The following SGTB variants were observed in gnomAD, a reference collection of about 807,000 sequenced individuals.
SGTB encodes the protein small glutamine-rich tetratricopeptide repeat-containing protein beta.
SGTB carries 19 observed loss-of-function variants against 43.9 expected under a neutral mutation model. The observed-to-expected ratio is 0.43, with a 90% CI of 0.30 to 0.63. SGTB has a LOEUF of 0.63. SGTB is among the 30% of genes least tolerant of loss of function. SGTB has a pLI of 0.12. For synonymous variants in SGTB, 116 were observed against 117.3 expected (o/e 0.99, Z 0.07); for missense variants, 304 against 358.9 (o/e 0.85, Z 1.24).
intron 2 of SGTB, among the ~76,000 whole-genome samples, chr5:65,714,650 G>A (rs537730940): frequency 2.0e-5 from 3 of 152,104 alleles, no homozygotes; most frequent in African/African-American, 7.2e-5. Context: ...CCCCATCTCC[G>A]CTAAAAAAGT....
chr5:65,703,303 G>A (rs1757858426), intron 5 of SGTB, among the ~76,000 whole-genome samples: 1 of 152,200 alleles, frequency 6.6e-6, no homozygotes, highest in Admixed American at 6.5e-5. Flanking sequence ...AAAAGAATAA[G>A]CAGTAGTAAT....
Position 65,691,822 on chromosome 5 carries a change from T to C in SGTB, c.375-6350A>G, listed in dbSNP as rs1325177917. 1.3e-5 allele frequency among the ~76,000 whole-genome samples: 2 copies of C among 150,906 alleles called. 1 individual carries two copies. The highest frequency in any genetic ancestry group is 4.9e-5 in the African/African-American group (2 of 41,122). On this transcript the variant is annotated intron_variant, in intron 5 of 10. Transcript: ENST00000381007. ...GGCGGGCGCCTGTAGTCCCAGCTAC[T>C]CGGGAGGCCGACGCAGGAGAATGGC...
chr5:65,672,305 C>T (rs760406829), intron 8 of SGTB, 24 bp from the exon 9 acceptor site: 2 of 1,612,976 alleles, frequency 1.2e-6, no homozygotes, highest in South Asian at 2.2e-5. Context: ...ACAGCACCTC[C>T]CATTAAAGGC....
In SGTB at chr5:65,720,609, T is replaced by A; in HGVS notation, c.100+99A>T. On this transcript the variant is annotated intron_variant, in intron 2 of 10. Coordinates refer to ENST00000381007, the MANE Select transcript of SGTB (RefSeq NM_019072.3). Reference sequence around the variant, plus strand: ...TCTCCTCTTGAAAGATCAAAAAAAATTCTGATTATGTTACAATAGATCATC... The same window carrying A: ...TCTCCTCTTGAAAGATCAAAAAAAAATCTGATTATGTTACAATAGATCATC... 6 of 1,398,150 alleles carry A rather than the reference T, an allele frequency of 4.3e-6. No homozygotes were observed. In the South Asian group the frequency reaches 7.4e-5, roughly 17 times the overall value. 86.6% of individuals were successfully genotyped at this position (1,398,150 alleles called of 1,614,324 possible).
intron 8 of SGTB, among the ~76,000 whole-genome samples, chr5:65,675,021 G>T (rs562045786): frequency 6.6e-6 from 1 of 152,232 alleles, no homozygotes; most frequent in African/African-American, 2.4e-5. Flanking sequence ...AACAAAAGAT[G>T]AATAAAAACT....
chr5:65,690,572 A>G (rs1442455131), intron 5 of SGTB, among the ~76,000 whole-genome samples: 2 of 152,244 alleles, frequency 1.3e-5, no homozygotes, highest in Admixed American at 1.3e-4. Context: ...ACAGCAAAAG[A>G]CAAACAGGAG....
chr5:65,699,580 T>C (rs999239461), intron 5 of SGTB, among the ~76,000 whole-genome samples: 4 of 152,240 alleles, frequency 2.6e-5, no homozygotes, highest in Non-Finnish European at 4.4e-5. Flanking sequence ...GAACCCCTGC[T>C]CTTAACCACT....
chr5:65,717,673 G>A (rs950456752), intron 2 of SGTB, among the ~76,000 whole-genome samples: 1 of 152,076 alleles, frequency 6.6e-6, no homozygotes, highest in Non-Finnish European at 1.5e-5. Flanking sequence ...GAGGGTTTGA[G>A]AAGATATGAG....
chr5:65,720,951 T>C (rs1325810161), intron 1 of SGTB, 122 bp from the exon 2 acceptor site: 3 of 964,540 alleles, frequency 3.1e-6, no homozygotes, highest in African/African-American at 3.3e-5. Context: ...AACACAAAAC[T>C]GTATGACCTT....
upstream of SGTB, chr5:65,722,536 C>G: frequency 1.1e-6 from 1 of 895,036 alleles, no homozygotes; most frequent in South Asian, 1.6e-5. Flanking sequence ...GGGACGCACC[C>G]TCCCCGCGGC....
At chr5:65,712,082 C>G (rs552450355) in intron 3 of SGTB, among the ~76,000 whole-genome samples, 1 of 152,166 alleles carries the variant, frequency 6.6e-6, no homozygotes, top group South Asian at 2.1e-4. Flanking sequence ...ACAAAGACCC[C>G]GTCGCTACTA....
At chr5:65,693,286 C>CAAGG (rs1309505788) in intron 5 of SGTB, among the ~76,000 whole-genome samples, 2 of 130,044 alleles carry the variant, frequency 1.5e-5, no homozygotes, top group African/African-American at 5.9e-5. Flanking sequence ...GGAGAGAGAG[C>CAAGG]AAGGAAGGAA....
chr5:65,698,684 G>A (rs1233806699), intron 5 of SGTB, among the ~76,000 whole-genome samples: 3 of 151,764 alleles, frequency 2.0e-5, no homozygotes, highest in Non-Finnish European at 2.9e-5. Flanking sequence ...CAAACAAATC[G>A]GCAAGAAAAA....
chr5:65,704,446 C>T, intron 4 of SGTB, 68 bp from the exon 5 acceptor site: 2 of 1,157,222 alleles, frequency 1.7e-6, no homozygotes, highest in Non-Finnish European at 2.4e-6. Flanking sequence ...CTTATAGACA[C>T]ATTTTAATCG....
intron 5 of SGTB, among the ~76,000 whole-genome samples, chr5:65,702,580 ACT>A (rs1296128260): frequency 6.6e-6 from 1 of 151,976 alleles, no homozygotes; most frequent in African/African-American, 2.4e-5. Context: ...TGGTAGGGGT[ACT>A]CCTCCTGCTG....
chr5:65,697,973 T>C (rs1357603055), intron 5 of SGTB, among the ~76,000 whole-genome samples: 1 of 152,186 alleles, frequency 6.6e-6, no homozygotes. Flanking sequence ...AAAATATGTA[T>C]GATTTCTTTC....
chr5:65,708,521 T>C lies in SGTB; in HGVS notation c.242A>G (p.Asp81Gly). 1 of 1,613,736 alleles carries C rather than the reference T, an allele frequency of 6.2e-7. No homozygotes were observed. Among genetic ancestry groups the C allele is most frequent in the Non-Finnish European group, 8.5e-7 (1 of 1,179,892 alleles). ...VLPLSNSVPE[D>G]VGKADQLKDE... ...TTTTAATTGGTCAGCTTTTCCCACA[T>C]CTTCAGGCACTGAGTTTGAAAGGGG... Residue 81 changes from aspartate (D) to glycine (G), a missense_variant, in exon 4 of 11, where the codon GAT becomes GGT. By Grantham distance (94) the Asp-to-Gly change is moderately conservative. Transcript: ENST00000381007.
intron 2 of SGTB, among the ~76,000 whole-genome samples, chr5:65,715,590 C>A (rs1758131670): frequency 6.6e-6 from 1 of 152,242 alleles, no homozygotes; most frequent in African/African-American, 2.4e-5. Flanking sequence ...ATGTGTCAAG[C>A]ACTTTTCTAG....
chr5:65,694,667 G>C (rs1757684853), intron 5 of SGTB, among the ~76,000 whole-genome samples: 1 of 151,874 alleles, frequency 6.6e-6, no homozygotes, highest in Non-Finnish European at 1.5e-5. Context: ...AGTGGAGACA[G>C]GGGTTTCACC....
Sources: allele counts gnomAD v4.1 joint callset (sites outside exome capture counted in the v4.1 genomes callset), GRCh38; gene constraint gnomAD v4.1.1; transcripts MANE v1.5; gene names NCBI Gene and HGNC (gene_info 2026-07-23, HGNC 2026-07-21).